Variants in SORCS2 observed in about 807,000 individuals in gnomAD.
SORCS2 encodes VPS10 domain-containing receptor SorCS2.
A neutral mutation model predicts 141.6 loss-of-function variants in SORCS2; 100 were observed. That is an observed-to-expected ratio of 0.71 (90% confidence interval 0.60 to 0.83). The LOEUF (loss-of-function observed/expected upper bound fraction) is 0.83. SORCS2 is among the 40% of genes least tolerant of loss of function. SORCS2 has a pLI of 0.00. For synonymous variants in SORCS2, 789 were observed against 676.9 expected, an observed-to-expected ratio of 1.17 and a Z score of -2.57; for missense variants, 1,646 against 1,560.2, an observed-to-expected ratio of 1.05 and a Z score of -0.93.
chr4:7,646,805 C>T (rs1721111569), intron 4 of SORCS2, among the ~76,000 whole-genome samples: 1 of 152,196 alleles, frequency 6.6e-6, no homozygotes, highest in South Asian at 2.1e-4. Flanking sequence ...GCTGAGCCCT[C>T]TGGGGTACGT....
intron 3 of SORCS2, among the ~76,000 whole-genome samples, chr4:7,637,730 T>C (rs555647244): frequency 6.6e-6 from 1 of 150,982 alleles, no homozygotes; most frequent in African/African-American, 2.4e-5. Flanking sequence ...AATGAATGCA[T>C]GCATGCATGA....
At chr4:7,327,505 G>T (rs1008746671) in intron 1 of SORCS2, among the ~76,000 whole-genome samples, 2 of 152,206 alleles carry the variant, frequency 1.3e-5, no homozygotes, top group Admixed American at 1.3e-4. Flanking sequence ...CACGTTTTGG[G>T]TCCTGGATAG....
intron 1 of SORCS2, among the ~76,000 whole-genome samples, chr4:7,273,919 G>GAC (rs1319959803): frequency 1.3e-5 from 2 of 152,214 alleles, no homozygotes; most frequent in Non-Finnish European, 2.9e-5. Flanking sequence ...GTGTCCAGGG[G>GAC]ACCATGCTGG....
chr4:7,375,087 G>A (rs2109054830), intron 1 of SORCS2, among the ~76,000 whole-genome samples: 1 of 152,284 alleles, frequency 6.6e-6, no homozygotes, highest in South Asian at 2.1e-4. Context: ...GTGATTCGAT[G>A]AGAAAGGGAC....
At chr4:7,471,247 C>T (rs111387976) in intron 2 of SORCS2, among the ~76,000 whole-genome samples, 7,817 of 152,320 alleles carry the variant, frequency 0.051, 266 homozygotes, top group Non-Finnish European at 0.077. Context: ...GCTCCTGCCT[C>T]GCGCAATGCC....
intron 3 of SORCS2, among the ~76,000 whole-genome samples, chr4:7,620,103 G>A (rs1719064610): frequency 6.6e-6 from 1 of 151,464 alleles, no homozygotes; most frequent in Non-Finnish European, 1.5e-5. Flanking sequence ...CTGGGCTGGG[G>A]ACCACTGGGC....
At chr4:7,285,721 C>T (rs371080330) in intron 1 of SORCS2, among the ~76,000 whole-genome samples, 181 of 152,326 alleles carry the variant, frequency 1.2e-3, no homozygotes, top group African/African-American at 4.2e-3. Flanking sequence ...AGGACCAGAC[C>T]GCCAACAGAA....
At chr4:7,204,811 A>G (rs1034438474) in intron 1 of SORCS2, among the ~76,000 whole-genome samples, 7 of 152,198 alleles carry the variant, frequency 4.6e-5, no homozygotes, top group Admixed American at 3.3e-4. Context: ...AGATCTGTCA[A>G]TTTTGGGAAG....
chr4:7,469,252 G>T (rs1382284453), intron 2 of SORCS2, among the ~76,000 whole-genome samples: 1 of 151,904 alleles, frequency 6.6e-6, no homozygotes. Context: ...GGTGATGGAG[G>T]TGATGGTAAT....
chr4:7,433,484 C>T, intron 2 of SORCS2: 1 of 1,586,264 alleles, frequency 6.3e-7, no homozygotes, highest in East Asian at 2.3e-5. Flanking sequence ...CAGGCCCCCA[C>T]CTTCTTGCAC....
At chr4:7,621,342 G>A (rs1184773001) in intron 3 of SORCS2, among the ~76,000 whole-genome samples, 1 of 152,054 alleles carries the variant, frequency 6.6e-6, no homozygotes, top group Admixed American at 6.5e-5. Context: ...GAGTGTTTAT[G>A]TGTGTGTCTA....
At chr4:7,220,320 A>G (rs1157339984) in intron 1 of SORCS2, among the ~76,000 whole-genome samples, 1 of 152,032 alleles carries the variant, frequency 6.6e-6, no homozygotes, top group Non-Finnish European at 1.5e-5. Context: ...TGAATTGTTT[A>G]CGGGTGAGCT....
chr4:7,658,786 G>C (rs1560462481), intron 5 of SORCS2, among the ~76,000 whole-genome samples: 1 of 152,246 alleles, frequency 6.6e-6, no homozygotes, highest in African/African-American at 2.4e-5. Context: ...GTGCCAGGCA[G>C]GTTGGGAGGA....
At chr4:7,302,067 C>T (rs1031885520) in intron 1 of SORCS2, among the ~76,000 whole-genome samples, 1 of 152,284 alleles carries the variant, frequency 6.6e-6, no homozygotes, top group Non-Finnish European at 1.5e-5. Flanking sequence ...TCCGTACCTG[C>T]ATCCCGGCTT....
chr4:7,244,622 GC>G (rs1300212012), intron 1 of SORCS2, among the ~76,000 whole-genome samples: 2 of 152,168 alleles, frequency 1.3e-5, no homozygotes, highest in African/African-American at 4.8e-5. Flanking sequence ...AGCACTGAGG[GC>G]CCCCTGGAAT....
At chr4:7,266,872 C>T (rs950245149) in intron 1 of SORCS2, among the ~76,000 whole-genome samples, 1 of 152,196 alleles carries the variant, frequency 6.6e-6, no homozygotes, top group East Asian at 1.9e-4. Flanking sequence ...CCCAGCTCGG[C>T]CCCCTGTCGC....
intron 1 of SORCS2, among the ~76,000 whole-genome samples, chr4:7,209,469 C>T (rs994457265): frequency 5.9e-5 from 9 of 152,244 alleles, no homozygotes; most frequent in South Asian, 2.1e-4. Context: ...AGGAAGCTAC[C>T]AGCATCCCCT....
intron 2 of SORCS2, among the ~76,000 whole-genome samples, chr4:7,447,231 G>T (rs905459906): frequency 6.6e-6 from 1 of 152,170 alleles, no homozygotes; most frequent in Admixed American, 6.5e-5. Context: ...GGGTTGCTGA[G>T]GGGAAGGGTG....
At chr4:7,543,821 TACC>T (rs1712974606) in intron 3 of SORCS2, among the ~76,000 whole-genome samples, 1 of 4,296 alleles carries the variant, frequency 2.3e-4, no homozygotes, top group Non-Finnish European at 9.0e-4. Context: ...TCCATCCATC[TACC>T]CATCTGTCCA....
Sources: allele counts gnomAD v4.1 joint callset (sites outside exome capture counted in the v4.1 genomes callset), GRCh38; gene constraint gnomAD v4.1.1; transcripts MANE v1.5; gene names NCBI Gene and HGNC (gene_info 2026-07-23, HGNC 2026-07-21).